ANKRD44: variants seen among roughly 807,000 people sequenced by gnomAD.
The protein encoded by ANKRD44 is serine/threonine-protein phosphatase 6 regulatory ankyrin repeat subunit B.
In ANKRD44, 35 loss-of-function variants were observed where a neutral mutation model predicts 116.0. The ratio of observed to expected loss-of-function variants is 0.30; its 90% CI spans 0.23 to 0.40. ANKRD44 has a LOEUF of 0.40. Ranked by LOEUF, ANKRD44 falls within the 10% of genes least tolerant of loss-of-function variation. The pLI is 1.00. For missense variants in ANKRD44, 1,014 were observed against 1,242.6 expected (o/e 0.82, Z 2.77); for synonymous variants, 435 against 461.8 (o/e 0.94, Z 0.74).
At chr2:197,192,308 A>G (rs2125624258) in intron 1 of ANKRD44, among the ~76,000 whole-genome samples, 1 of 152,320 alleles carries the variant, frequency 6.6e-6, no homozygotes, top group African/African-American at 2.4e-5. Context: ...CCAGCATTTC[A>G]TTCTAGATCC....
At chr2:197,261,224 G>A (rs2082595125) in intron 1 of ANKRD44, among the ~76,000 whole-genome samples, 1 of 151,452 alleles carries the variant, frequency 6.6e-6, no homozygotes, top group South Asian at 2.1e-4. Flanking sequence ...TAACATTTAA[G>A]TCTTTAATCC....
intron 21 of ANKRD44, among the ~76,000 whole-genome samples, chr2:197,002,811 GCAACACAGATTGTCCTGAAACCT>G (rs1031257993): frequency 7.9e-5 from 12 of 152,172 alleles, no homozygotes; most frequent in African/African-American, 2.7e-4. Flanking sequence ...ATTTTGCTTT[GCAACACAGATTGTCCTGAAACCT>G]CTTCTTGGTT....
At chr2:197,297,247 A>G (rs189959762) in intron 1 of ANKRD44, among the ~76,000 whole-genome samples, 52 of 152,342 alleles carry the variant, frequency 3.4e-4, no homozygotes, top group African/African-American at 1.2e-3. Flanking sequence ...GGAACCAAAC[A>G]CTACAATTCA....
intron 2 of ANKRD44, among the ~76,000 whole-genome samples, chr2:197,156,035 G>C (rs928301121): frequency 5.3e-5 from 8 of 152,158 alleles, no homozygotes; most frequent in African/African-American, 1.9e-4. Context: ...TATACAGATA[G>C]CAAATAAGCA....
chr2:197,113,741 A>T (rs2078645123), intron 8 of ANKRD44, among the ~76,000 whole-genome samples: 2 of 152,144 alleles, frequency 1.3e-5, no homozygotes, highest in African/African-American at 4.8e-5. Flanking sequence ...GTAAAGGGAC[A>T]AGTAAATGGA....
At chr2:197,121,661 T>C in intron 7 of ANKRD44, 117 bp from the exon 8 acceptor site, 1 of 858,384 alleles carries the variant, frequency 1.2e-6, no homozygotes, top group Admixed American at 2.1e-5. Flanking sequence ...CCAATATAAT[T>C]GTTCAGAGCT....
chr2:197,240,789 A>T (rs909729287), intron 1 of ANKRD44, among the ~76,000 whole-genome samples: 1 of 146,492 alleles, frequency 6.8e-6, no homozygotes, highest in Non-Finnish European at 1.5e-5. Flanking sequence ...ATAATAACCA[A>T]ATCTCACAGT....
At position 197,147,038 on chromosome 2, in the gene ANKRD44, A is replaced by G; in HGVS notation, c.179T>C (p.Leu60Pro). ...TAGCAGTTATTTACCTGACAAAATCAGGAGTTCAATGATCTCTGCATCTCC... is the reference window on the plus strand; with the variant it reads ...TAGCAGTTATTTACCTGACAAAATCGGGAGTTCAATGATCTCTGCATCTCC... ...FLGDAEIIELLILSGARVNAK... is the reference protein window; with the variant it reads ...FLGDAEIIELPILSGARVNAK... Residue 60 changes from leucine (L) to proline (P), a missense_variant, in exon 3 of 28, where the codon CTG (leucine) becomes CCG (proline). Physicochemically the swap from Leu to Pro is moderately conservative, Grantham distance 98. Coordinates refer to ENST00000282272, the MANE Select transcript of ANKRD44 (RefSeq NM_001195144.2). 2 of 1,613,730 alleles carry G rather than the reference A, an allele frequency of 1.2e-6. No homozygotes were observed. Among genetic ancestry groups the G allele is most frequent in the Non-Finnish European group, 1.7e-6 (2 of 1,179,676 alleles).
intron 16 of ANKRD44, among the ~76,000 whole-genome samples, chr2:197,033,666 C>CT (rs59226408): frequency 0.95 from 136,540 of 144,152 alleles, 64,939 homozygotes; most frequent in Middle Eastern, 1. Context: ...GTTGTTGTTG[C>CT]TTTTTTTTTT....
intron 1 of ANKRD44, among the ~76,000 whole-genome samples, chr2:197,196,520 A>G (rs1426610740): frequency 6.6e-6 from 1 of 152,204 alleles, no homozygotes; most frequent in Non-Finnish European, 1.5e-5. Context: ...GAATCTCACA[A>G]ATTGGAAGCT....
intron 1 of ANKRD44, among the ~76,000 whole-genome samples, chr2:197,298,916 C>CA (rs61013084): frequency 6.0e-4 from 80 of 133,604 alleles, no homozygotes; most frequent in South Asian, 9.6e-4. Flanking sequence ...GATCCTGTTT[C>CA]AAAAAAAAAA....
At chr2:197,174,153 G>C (rs2080308316) in intron 2 of ANKRD44, among the ~76,000 whole-genome samples, 1 of 152,098 alleles carries the variant, frequency 6.6e-6, no homozygotes, top group Admixed American at 6.5e-5. Context: ...TAAGGTATAT[G>C]ACTTAATAAG....
At chr2:197,152,665 GT>G (rs1451433194) in intron 2 of ANKRD44, among the ~76,000 whole-genome samples, 3 of 152,204 alleles carry the variant, frequency 2.0e-5, no homozygotes, top group Non-Finnish European at 4.4e-5. Flanking sequence ...TGCAAAGTGA[GT>G]TTGACATGGG....
chr2:197,015,292 T>C lies in ANKRD44; in HGVS notation c.1723-1580A>G, dbSNP rs116348753. ...TTTGTTGGTGGTATTAAAGAAGATATAGAGGAATAGAATTTGAGAGACCAT... is the reference window on the plus strand; with the variant it reads ...TTTGTTGGTGGTATTAAAGAAGATACAGAGGAATAGAATTTGAGAGACCAT... On this transcript the variant is annotated intron_variant, in intron 17 of 27. Coordinates refer to ENST00000282272, the MANE Select transcript of ANKRD44 (RefSeq NM_001195144.2). 2,126 of 411,800 alleles carry C rather than the reference T, an allele frequency of 5.2e-3. 39 individuals are homozygous for C. Among genetic ancestry groups the C allele is most frequent in the African/African-American group, 0.041 (1,959 of 47,812 alleles). The allele number at this position is 411,800 out of a possible 1,614,324, so 25.5% of individuals were successfully genotyped here.
At chr2:197,149,303 T>G (rs1314989441) in intron 2 of ANKRD44, among the ~76,000 whole-genome samples, 1 of 152,174 alleles carries the variant, frequency 6.6e-6, no homozygotes, top group East Asian at 1.9e-4. Flanking sequence ...TGGCCTCAAA[T>G]AAAAAGCTAA....
chr2:196,977,294 TAAAAG>T (rs1054595760), intron 21 of ANKRD44, among the ~76,000 whole-genome samples: 44 of 152,204 alleles, frequency 2.9e-4, no homozygotes, highest in African/African-American at 1.0e-3. Context: ...ATAAAATTCT[TAAAAG>T]AAAACATAGG....
intron 20 of ANKRD44, among the ~76,000 whole-genome samples, chr2:197,007,178 GACAA>G (rs978949915): frequency 2.0e-5 from 3 of 151,596 alleles, no homozygotes; most frequent in Non-Finnish European, 2.9e-5. Context: ...TATTTGTAAG[GACAA>G]ACAATTAGAA....
At chr2:197,066,807 T>C (rs1421550661) in intron 16 of ANKRD44, among the ~76,000 whole-genome samples, 5 of 152,152 alleles carry the variant, frequency 3.3e-5, no homozygotes, top group African/African-American at 1.2e-4. Context: ...TGGAAGAACA[T>C]TCCATGCTCA....
rs79683323 is a variant in ANKRD44, at chr2:197,151,759, T to C, written c.112-4654A>G. Among the ~76,000 whole-genome samples, 1,398 of 152,308 alleles carry C rather than the reference T, an allele frequency of 9.2e-3. 6 individuals carry two copies. Among genetic ancestry groups the C allele is most frequent in the Non-Finnish European group, 0.013 (896 of 68,026 alleles). ...AACCCTAAAGAAACTTGCAGTCCAC[T>C]GATCAGTTTCTAAATGTAGGATATT... On this transcript the variant is annotated intron_variant, in intron 2 of 27. Transcript: ENST00000282272.
Sources: allele counts gnomAD v4.1 joint callset (sites outside exome capture counted in the v4.1 genomes callset), GRCh38; gene constraint gnomAD v4.1.1; transcripts MANE v1.5; gene names NCBI Gene and HGNC (gene_info 2026-07-23, HGNC 2026-07-21).